GLMN: variants seen among roughly 807,000 people sequenced by gnomAD.
The protein encoded by GLMN is glomulin, FKBP associated protein, also known as glomulin.
GLMN carries 75 observed loss-of-function variants against 87.8 expected under a neutral mutation model. The observed-to-expected ratio is 0.85, with a 90% CI of 0.71 to 1.04. The LOEUF (loss-of-function observed/expected upper bound fraction) is 1.04. Among genes scored for constraint, GLMN ranks in the 50% least tolerant of loss-of-function variants. GLMN has a pLI of 0.00. For missense variants in GLMN, 588 were observed against 658.8 expected (o/e 0.89, Z 1.18); for synonymous variants, 206 against 221.6 (o/e 0.93, Z 0.63).
chr1:92,257,589 G>A (rs1358224295), intron 16 of GLMN, among the ~76,000 whole-genome samples: 1 of 151,886 alleles, frequency 6.6e-6, no homozygotes, highest in Non-Finnish European at 1.5e-5. Flanking sequence ...CAGAAATAAC[G>A]CCACACATCT....
At chr1:92,310,861 C>T in the GLMN span, among the ~76,000 whole-genome samples, 9 of 152,260 alleles carry the variant, frequency 5.9e-5, no homozygotes, top group East Asian at 3.9e-4. Flanking sequence ...CACACCATTG[C>T]GCTCCAGCCT....
intron 17 of GLMN, 108 bp downstream of exon 17, chr1:92,247,770 G>A (rs1003094072): frequency 1.4e-4 from 91 of 673,442 alleles, no homozygotes; most frequent in Non-Finnish European, 2.3e-4. Context: ...TAGCTGTTAT[G>A]GTCTCTAAAG....
the GLMN span, among the ~76,000 whole-genome samples, chr1:92,351,051 C>T: frequency 6.6e-6 from 1 of 151,884 alleles, no homozygotes; most frequent in African/African-American, 2.4e-5. Flanking sequence ...CAGTGTCTCA[C>T]GCCTGTGAGC....
At chr1:92,325,661 C>T in the GLMN span, among the ~76,000 whole-genome samples, 14 of 152,010 alleles carry the variant, frequency 9.2e-5, no homozygotes, top group African/African-American at 3.4e-4. Flanking sequence ...TATGAATGTC[C>T]TGATGTAATC....
At chr1:92,324,984 A>G in the GLMN span, among the ~76,000 whole-genome samples, 1 of 152,222 alleles carries the variant, frequency 6.6e-6, no homozygotes, top group Admixed American at 6.5e-5. Flanking sequence ...AAATGGAACT[A>G]TTAATAGCTT....
intron 16 of GLMN, among the ~76,000 whole-genome samples, chr1:92,258,695 T>G (rs902165174): frequency 1.3e-5 from 2 of 151,408 alleles, no homozygotes; most frequent in East Asian, 1.9e-4. Flanking sequence ...TAAGTAGGAG[T>G]TGAACAATTT....
chr1:92,257,924 A>G (rs1362856966), intron 16 of GLMN, among the ~76,000 whole-genome samples: 1 of 152,210 alleles, frequency 6.6e-6, no homozygotes, highest in African/African-American at 2.4e-5. Flanking sequence ...GGATCTAATT[A>G]AACTAAAGAG....
the GLMN span, chr1:92,304,249 G>T: frequency 7.5e-7 from 1 of 1,336,402 alleles, no homozygotes; most frequent in Non-Finnish European, 1.1e-6. Context: ...TTTATTATTT[G>T]GATTCTTTTG....
At chr1:92,263,077 ACT>A in intron 15 of GLMN, 151 bp from the exon 16 acceptor site, 1 of 504,734 alleles carries the variant, frequency 2.0e-6, no homozygotes. Context: ...ATAACTTATC[ACT>A]GTTTTCCATT....
At chr1:92,350,746 A>G in the GLMN span, among the ~76,000 whole-genome samples, 1 of 152,190 alleles carries the variant, frequency 6.6e-6, no homozygotes, top group African/African-American at 2.4e-5. Flanking sequence ...AGCCTGGCCA[A>G]CGTGGTGAAA....
At chr1:92,272,195 T>C (rs774644537) in intron 7 of GLMN, among the ~76,000 whole-genome samples, 15 of 152,178 alleles carry the variant, frequency 9.9e-5, no homozygotes, top group Non-Finnish European at 1.5e-4. Flanking sequence ...TTTCCCCAGT[T>C]AAGCTTCTGA....
At chr1:92,304,799 C>G in the GLMN span, among the ~76,000 whole-genome samples, 1 of 152,076 alleles carries the variant, frequency 6.6e-6, no homozygotes, top group Non-Finnish European at 1.5e-5. Flanking sequence ...ATACATAGAT[C>G]AATTTTAGGT....
chr1:92,283,378 A>G (rs142746173), intron 7 of GLMN, among the ~76,000 whole-genome samples: 2,131 of 152,342 alleles, frequency 0.014, 51 homozygotes, highest in African/African-American at 0.048. Context: ...CCACATGATT[A>G]TCTTAATAGA....
the GLMN span, among the ~76,000 whole-genome samples, chr1:92,330,406 A>G: frequency 6.1e-5 from 8 of 130,858 alleles, no homozygotes; most frequent in Non-Finnish European, 9.9e-5. Context: ...TCATTGAACT[A>G]TCTTTTCCTC....
chr1:92,367,056 C>T, the GLMN span, among the ~76,000 whole-genome samples: 1 of 152,148 alleles, frequency 6.6e-6, no homozygotes, highest in Non-Finnish European at 1.5e-5. Flanking sequence ...GATAGATAAG[C>T]AAATAAACAA....
intron 7 of GLMN, among the ~76,000 whole-genome samples, chr1:92,273,257 A>G (rs1357727216): frequency 6.6e-6 from 1 of 152,180 alleles, no homozygotes; most frequent in Non-Finnish European, 1.5e-5. Flanking sequence ...GTCACAAGAG[A>G]CTGCTATTCA....
At chr1:92,270,177 G>A (rs1356508792) in intron 8 of GLMN, among the ~76,000 whole-genome samples, 2 of 152,178 alleles carry the variant, frequency 1.3e-5, no homozygotes, top group East Asian at 1.9e-4. Context: ...ACCCTCAGAA[G>A]GAGCATCCAG....
At chr1:92,350,485 C>T in the GLMN span, among the ~76,000 whole-genome samples, 1 of 152,114 alleles carries the variant, frequency 6.6e-6, no homozygotes, top group Admixed American at 6.5e-5. Context: ...TCAGACTTTA[C>T]TCTTAGATCT....
At chr1:92,332,966 G>A in the GLMN span, among the ~76,000 whole-genome samples, 6 of 151,884 alleles carry the variant, frequency 4.0e-5, no homozygotes, top group South Asian at 2.1e-4. Context: ...AGAGAGAGTC[G>A]GTTTGAATTA....
Sources: gnomAD v4.1 joint callset for allele counts (sites outside exome capture counted in the v4.1 genomes callset) on GRCh38, gnomAD v4.1.1 for gene constraint, MANE v1.5 for transcripts, NCBI Gene and HGNC (gene_info 2026-07-23, HGNC 2026-07-21) for gene names.